The following TRIM36 variants were observed in gnomAD, a reference collection of about 807,000 sequenced individuals.
TRIM36 encodes the protein tripartite motif containing 36, also known as E3 ubiquitin-protein ligase TRIM36.
TRIM36 carries 42 observed loss-of-function variants against 72.4 expected under a neutral mutation model. That is an observed-to-expected ratio of 0.58 (90% CI 0.45 to 0.75). The LOEUF is 0.75. Among genes scored for constraint, TRIM36 ranks in the 30% least tolerant of loss-of-function variants. The pLI, the probability that TRIM36 is intolerant of heterozygous loss-of-function variation, is 0.00. For synonymous variants in TRIM36, 315 were observed against 282.8 expected (o/e 1.11, Z -1.14); for missense variants, 913 against 857.1 (o/e 1.07, Z -0.81).
chr5:115,179,890 A>C, intron 1 of TRIM36: 1 of 1,353,470 alleles, frequency 7.4e-7, no homozygotes, highest in Non-Finnish European at 1.0e-6. Flanking sequence ...CAGGCGCTGG[A>C]ATGGACACGG....
intron 8 of TRIM36, 142 bp downstream of exon 8, chr5:115,133,718 G>C: frequency 1.3e-6 from 1 of 752,822 alleles, no homozygotes; most frequent in Non-Finnish European, 1.9e-6. Context: ...AGCCCAGCTG[G>C]GATAGAAGCT....
At chr5:115,146,486 G>T (rs988357738) in intron 3 of TRIM36, among the ~76,000 whole-genome samples, 1 of 151,894 alleles carries the variant, frequency 6.6e-6, no homozygotes, top group Admixed American at 6.6e-5. Flanking sequence ...CACACAGCAG[G>T]GCAAACAATA....
At chr5:115,179,037 G>C (rs1024558269) in intron 1 of TRIM36, among the ~76,000 whole-genome samples, 3 of 152,146 alleles carry the variant, frequency 2.0e-5, no homozygotes, top group African/African-American at 4.8e-5. Context: ...AGGGAGTCGA[G>C]TGCTCCTTTG....
At chr5:115,154,618 C>T (rs375087282) in intron 2 of TRIM36, among the ~76,000 whole-genome samples, 3 of 152,076 alleles carry the variant, frequency 2.0e-5, no homozygotes, top group African/African-American at 7.2e-5. Context: ...AAGATACAAC[C>T]TTCATAGCTT....
intron 2 of TRIM36, among the ~76,000 whole-genome samples, chr5:115,151,269 C>T (rs969215809): frequency 5.9e-5 from 9 of 152,150 alleles, no homozygotes; most frequent in Non-Finnish European, 1.0e-4. Flanking sequence ...TCCTTCACTT[C>T]GCTGACAACC....
intron 1 of TRIM36, chr5:115,177,774 C>T: frequency 2.5e-6 from 4 of 1,614,110 alleles, no homozygotes; most frequent in Non-Finnish European, 3.4e-6. Flanking sequence ...GGAGAGACTG[C>T]TTTCCAACCT....
At chr5:115,130,936 C>T in intron 8 of TRIM36, 47 bp from the exon 9 acceptor site, 3 of 1,551,830 alleles carry the variant, frequency 1.9e-6, no homozygotes, top group Non-Finnish European at 1.7e-6. Context: ...TATCATTGCT[C>T]TAGTTTGTTA....
chr5:115,172,371 A>G, upstream of TRIM36, among the ~76,000 whole-genome samples: 1 of 152,220 alleles, frequency 6.6e-6, no homozygotes, highest in Non-Finnish European at 1.5e-5. Context: ...ATAACTAAAC[A>G]TCATGCATAA....
intron 2 of TRIM36, among the ~76,000 whole-genome samples, chr5:115,157,302 C>A (rs1478566882): frequency 6.6e-6 from 1 of 152,172 alleles, no homozygotes; most frequent in African/African-American, 2.4e-5. Context: ...GTGGCTCACA[C>A]CTGTAATCCC....
At chr5:115,141,831 T>C (rs112748953) in intron 4 of TRIM36, among the ~76,000 whole-genome samples, 169 of 152,142 alleles carry the variant, frequency 1.1e-3, no homozygotes, top group African/African-American at 4.0e-3. Flanking sequence ...ACTTCCAAAA[T>C]AATATTGACA....
At chr5:115,154,620 T>C (rs1425702414) in intron 2 of TRIM36, among the ~76,000 whole-genome samples, 1 of 152,108 alleles carries the variant, frequency 6.6e-6, no homozygotes, top group Non-Finnish European at 1.5e-5. Flanking sequence ...GATACAACCT[T>C]CATAGCTTAA....
intron 2 of TRIM36, among the ~76,000 whole-genome samples, chr5:115,158,081 C>T (rs769052814): frequency 5.3e-5 from 8 of 151,552 alleles, no homozygotes; most frequent in Non-Finnish European, 1.0e-4. Context: ...ACTCATGTAA[C>T]CAAACACCAT....
chr5:115,134,061 C>T lies in TRIM36; in HGVS notation c.1297G>A (p.Ala433Thr). 6.2e-7 allele frequency: 1 copy of T among 1,613,622 alleles called. No homozygotes were observed. The highest frequency in any genetic ancestry group is 8.5e-7 in the Non-Finnish European group (1 of 1,179,862). ...INWHHPEKDK[A>T]DSYVLEYRKI... is the part of the protein sequence containing the mutation. The stretch of plus-strand genomic sequence containing the variant: ...CGATATTCAAGAACATAGCTATCAG[C>T]TTTATCCTTTTCTGGATGGTGCCAA... Residue 433 changes from alanine to threonine, a missense_variant, in exon 8 of 10, where the codon GCT (alanine) becomes ACT (threonine). Physicochemically the swap from Ala to Thr is moderately conservative, Grantham distance 58 (BLOSUM62 0). Coordinates refer to ENST00000513154, the MANE Select transcript of TRIM36 (RefSeq NM_001300759.2).
Position 115,126,998 on chromosome 5 carries a change from A to T in TRIM36, c.1797-141T>A. 5 of 876,056 alleles carry T rather than the reference A, an allele frequency of 5.7e-6. No homozygotes were observed. The South Asian group carries it at 8.4e-5, about 15-fold the overall frequency. The allele number at this position is 876,056 out of a possible 1,614,324, so 54.3% of individuals were successfully genotyped here. ...TTTCTATTAAAACAAAATCAAAAAC[A>T]TAAAAATGACACATTACAATTTAGA... On this transcript the variant is annotated intron_variant, in intron 9 of 9. Transcript: ENST00000513154.
chr5:115,171,327 C>T (rs1161954626), upstream of TRIM36: 4 of 1,505,584 alleles, frequency 2.7e-6, no homozygotes, highest in Admixed American at 7.3e-5. Flanking sequence ...GAAAGCTTTG[C>T]CAGGTAATAA....
chr5:115,175,772 C>T (rs1755304868), intron 1 of TRIM36, among the ~76,000 whole-genome samples: 3 of 152,094 alleles, frequency 2.0e-5, no homozygotes, highest in African/African-American at 7.2e-5. Flanking sequence ...GCCTTCCCTA[C>T]TCCCCACAGC....
chr5:115,167,171 G>A (rs112870965), intron 1 of TRIM36, among the ~76,000 whole-genome samples: 7 of 152,230 alleles, frequency 4.6e-5, no homozygotes, highest in African/African-American at 1.4e-4. Context: ...CTGTGATACC[G>A]AGGCTGCACA....
intron 1 of TRIM36, among the ~76,000 whole-genome samples, chr5:115,166,305 G>A (rs756111345): frequency 4.4e-4 from 67 of 152,228 alleles, no homozygotes; most frequent in South Asian, 2.1e-3. Flanking sequence ...CATAAAAACC[G>A]CAAACTCAGC....
intron 2 of TRIM36, among the ~76,000 whole-genome samples, chr5:115,148,031 A>C (rs1753685930): frequency 6.6e-6 from 1 of 152,224 alleles, no homozygotes; most frequent in African/African-American, 2.4e-5. Context: ...GTATTGTTTT[A>C]TCTGGAAAAA....
Sources: allele counts gnomAD v4.1 joint callset (sites outside exome capture counted in the v4.1 genomes callset), GRCh38; gene constraint gnomAD v4.1.1; transcripts MANE v1.5; gene names NCBI Gene and HGNC (gene_info 2026-07-23, HGNC 2026-07-21).